Variants in CNTN5 observed in about 807,000 individuals in gnomAD.
CNTN5 encodes the protein contactin-5.
A neutral mutation model predicts 129.1 loss-of-function variants in CNTN5; 77 were observed. The ratio of observed to expected loss-of-function variants is 0.60; its 90% CI spans 0.50 to 0.72. CNTN5 has a LOEUF of 0.72. Ranked by LOEUF, CNTN5 falls within the 30% of genes least tolerant of loss-of-function variation. CNTN5 has a pLI of 0.00. For missense variants in CNTN5, 1,478 were observed against 1,328.8 expected, an observed-to-expected ratio of 1.11 and a Z score of -1.75; for synonymous variants, 509 against 465.6, an observed-to-expected ratio of 1.09 and a Z score of -1.20.
chr11:100,051,025 A>T (rs1591135236), intron 9 of CNTN5, among the ~76,000 whole-genome samples: 1 of 152,176 alleles, frequency 6.6e-6, no homozygotes. Context: ...TAATTTATCA[A>T]TTACAAGAAC....
chr11:100,054,692 G>A (rs1404882980), intron 9 of CNTN5, among the ~76,000 whole-genome samples: 2 of 151,658 alleles, frequency 1.3e-5, no homozygotes, highest in African/African-American at 2.4e-5. Context: ...TCAGTTACCC[G>A]TTTTCATTTT....
chr11:100,254,871 T>C (rs530114617), intron 16 of CNTN5, among the ~76,000 whole-genome samples: 1 of 152,330 alleles, frequency 6.6e-6, no homozygotes, highest in East Asian at 1.9e-4. Flanking sequence ...TAATTGTCCA[T>C]ACTATGGAAT....
At chr11:99,839,864 A>G (rs1022289238) in intron 4 of CNTN5, among the ~76,000 whole-genome samples, 3 of 152,098 alleles carry the variant, frequency 2.0e-5, no homozygotes, top group African/African-American at 7.2e-5. Flanking sequence ...TATGGAGAGA[A>G]CTTTTTTTCT....
At chr11:99,972,564 C>G (rs1951293084) in intron 8 of CNTN5, among the ~76,000 whole-genome samples, 1 of 151,788 alleles carries the variant, frequency 6.6e-6, no homozygotes, top group South Asian at 2.1e-4. Context: ...GTTGTCAGGT[C>G]TTCCCAGAAC....
chr11:99,788,823 C>G (rs1367898556), intron 3 of CNTN5, among the ~76,000 whole-genome samples: 3 of 151,752 alleles, frequency 2.0e-5, no homozygotes, highest in South Asian at 2.1e-4. Context: ...TTGTTCAATT[C>G]TGAAAAAATC....
intron 2 of CNTN5, among the ~76,000 whole-genome samples, chr11:99,390,851 T>C (rs1941223021): frequency 6.6e-6 from 1 of 152,164 alleles, no homozygotes; most frequent in Non-Finnish European, 1.5e-5. Flanking sequence ...CATTTAATTA[T>C]TAAGTAATCC....
chr11:100,240,746 T>A (rs996564199), intron 16 of CNTN5, among the ~76,000 whole-genome samples: 6 of 152,212 alleles, frequency 3.9e-5, no homozygotes, highest in Non-Finnish European at 8.8e-5. Flanking sequence ...GAATATTTTT[T>A]AAAGTGCCCT....
intron 1 of CNTN5, among the ~76,000 whole-genome samples, chr11:99,184,805 C>T (rs548064540): frequency 9.5e-4 from 145 of 152,042 alleles, no homozygotes; most frequent in African/African-American, 3.4e-3. Context: ...CAGCCCTATA[C>T]CTAAAAATAG....
chr11:99,688,551 G>C (rs1953894771), intron 3 of CNTN5, among the ~76,000 whole-genome samples: 1 of 151,664 alleles, frequency 6.6e-6, no homozygotes, highest in South Asian at 2.1e-4. Flanking sequence ...CTATGTGACA[G>C]GTAGAAAGAT....
intron 2 of CNTN5, among the ~76,000 whole-genome samples, chr11:99,448,506 A>T (rs1944161881): frequency 6.6e-6 from 1 of 152,048 alleles, no homozygotes; most frequent in Non-Finnish European, 1.5e-5. Flanking sequence ...GATTTTATAA[A>T]CATTACATTA....
At chr11:99,767,860 C>A (rs997885203) in intron 3 of CNTN5, among the ~76,000 whole-genome samples, 2 of 151,956 alleles carry the variant, frequency 1.3e-5, no homozygotes, top group African/African-American at 2.4e-5. Flanking sequence ...ACAGAATTGT[C>A]ATTTCTCCTA....
At chr11:99,502,244 T>G (rs1946450990) in intron 2 of CNTN5, among the ~76,000 whole-genome samples, 1 of 152,230 alleles carries the variant, frequency 6.6e-6, no homozygotes, top group South Asian at 2.1e-4. Context: ...TTACCTCATT[T>G]GTATTTATTT....
chr11:99,088,195 A>G (rs1002623297), intron 1 of CNTN5, among the ~76,000 whole-genome samples: 29 of 152,190 alleles, frequency 1.9e-4, no homozygotes, highest in East Asian at 5.8e-4. Context: ...TCTTTTTTCT[A>G]TGTTCTCCTA....
At chr11:99,262,569 C>T (rs1387113613) in intron 1 of CNTN5, among the ~76,000 whole-genome samples, 1 of 151,408 alleles carries the variant, frequency 6.6e-6, no homozygotes, top group Non-Finnish European at 1.5e-5. Context: ...AGCCAAAAAA[C>T]ATGTATTGCT....
intron 8 of CNTN5, among the ~76,000 whole-genome samples, chr11:99,989,716 TTAAAG>T (rs1419228933): frequency 6.6e-5 from 10 of 152,332 alleles, no homozygotes; most frequent in Admixed American, 4.6e-4. Flanking sequence ...TTCATCTCAC[TTAAAG>T]TAAATATTTA....
At chr11:99,441,326 T>C (rs1017682514) in intron 2 of CNTN5, among the ~76,000 whole-genome samples, 6 of 152,214 alleles carry the variant, frequency 3.9e-5, no homozygotes, top group Non-Finnish European at 7.3e-5. Flanking sequence ...GTATTGCTTT[T>C]AATCTTAACT....
chr11:99,647,418 G>A (rs1036303020), intron 3 of CNTN5, among the ~76,000 whole-genome samples: 1 of 151,876 alleles, frequency 6.6e-6, no homozygotes, highest in East Asian at 1.9e-4. Flanking sequence ...TATGCCAGTA[G>A]TATGCTGTTT....
chr11:99,664,983 T>C (rs1952731537), intron 3 of CNTN5, among the ~76,000 whole-genome samples: 1 of 152,210 alleles, frequency 6.6e-6, no homozygotes, highest in African/African-American at 2.4e-5. Flanking sequence ...CAGACTCATA[T>C]TCTGTCCTCA....
intron 18 of CNTN5, among the ~76,000 whole-genome samples, chr11:100,275,790 G>C (rs1236612271): frequency 6.6e-6 from 1 of 152,178 alleles, no homozygotes; most frequent in African/African-American, 2.4e-5. Context: ...TTGAAAGTGA[G>C]TTGAGGAAGG....
Sources: gnomAD v4.1 joint callset for allele counts (sites outside exome capture counted in the v4.1 genomes callset) on GRCh38, gnomAD v4.1.1 for gene constraint, MANE v1.5 for transcripts, NCBI Gene and HGNC (gene_info 2026-07-23, HGNC 2026-07-21) for gene names.